Variants in ORMDL1 observed in about 807,000 individuals in gnomAD.
ORMDL1 encodes the protein ORMDL sphingolipid biosynthesis regulator 1.
Under a neutral mutation model 13.0 loss-of-function variants are expected in ORMDL1, and 10 were observed. The observed-to-expected ratio is 0.77, with a 90% CI of 0.47 to 1.30. The LOEUF (loss-of-function observed/expected upper bound fraction) is 1.30. Ranked by LOEUF, ORMDL1 falls within the 50% of genes most tolerant of loss-of-function variation. ORMDL1 has a pLI of 0.00. For synonymous variants in ORMDL1, 61 were observed against 63.9 expected (o/e 0.95, Z 0.22); for missense variants, 171 against 186.7 (o/e 0.92, Z 0.49).
At chr2:189,767,589 A>C (rs1020702513), downstream of ORMDL1, among the ~76,000 whole-genome samples, 1 of 152,244 alleles carries the variant, frequency 6.6e-6, no homozygotes, top group African/African-American at 2.4e-5. Flanking sequence ...ACTATTTTAC[A>C]ATGTTAATGA....
At chr2:189,764,343 C>A in the ORMDL1 span, 1 of 152,176 alleles carries the variant, frequency 6.6e-6, no homozygotes, top group Non-Finnish European at 1.5e-5. Context: ...TCCCAATGCT[C>A]TTCTGTGCTG....
At chr2:189,768,831 A>C (rs1370465848), downstream of ORMDL1, among the ~76,000 whole-genome samples, 1 of 152,232 alleles carries the variant, frequency 6.6e-6, no homozygotes, top group Non-Finnish European at 1.5e-5. Flanking sequence ...AATTACCAGG[A>C]TAGTGGGAGA....
Position 189,771,912 on chromosome 2 carries a change from T to TA in ORMDL1, c.327-11dup. 1.3e-6 allele frequency: 2 copies of TA among 1,558,708 alleles called. No homozygotes were observed. Among genetic ancestry groups the TA allele is most frequent in the Non-Finnish European group, 1.7e-6 (2 of 1,147,194 alleles). On this transcript the variant is annotated splice_polypyrimidine_tract_variant and intron_variant, in intron 4 of 4. Transcript: ENST00000392349. ...ACTTGCCAGAAAATATCTGTAGAGA[T>TA]AAAAGTTAAGAATATATATAACATC...
intron 3 of ORMDL1, chr2:189,778,332 T>C (rs1052930399): frequency 2.3e-6 from 1 of 444,410 alleles, no homozygotes; most frequent in African/African-American, 2.0e-5. Flanking sequence ...GAGGGGGAGG[T>C]TGCAGTGAGC....
downstream of ORMDL1, chr2:189,770,248 G>A (rs1183831964): frequency 7.9e-5 from 12 of 152,192 alleles, no homozygotes; most frequent in Non-Finnish European, 1.3e-4. Context: ...TTAATTTTAC[G>A]AATTCAGTTG....
chr2:189,779,335 G>A (rs2352707), intron 3 of ORMDL1, among the ~76,000 whole-genome samples: 131,166 of 152,194 alleles, frequency 0.86, 57,418 homozygotes, highest in East Asian at 0.94. Context: ...CAAATTAGCC[G>A]GGTGTGGTGG....
the ORMDL1 span, among the ~76,000 whole-genome samples, chr2:189,764,665 A>T: frequency 6.6e-6 from 1 of 152,192 alleles, no homozygotes; most frequent in South Asian, 2.1e-4. Context: ...AATGCCACTC[A>T]TGGGCATTCT....
At chr2:189,776,935 G>C (rs2047710768) in intron 3 of ORMDL1, among the ~76,000 whole-genome samples, 1 of 152,164 alleles carries the variant, frequency 6.6e-6, no homozygotes, top group Admixed American at 6.5e-5. Context: ...AAGTAGGGCA[G>C]AAATTGCTAT....
At chr2:189,767,886 T>C (rs946186884), downstream of ORMDL1, among the ~76,000 whole-genome samples, 2 of 152,214 alleles carry the variant, frequency 1.3e-5, no homozygotes, top group African/African-American at 4.8e-5. Flanking sequence ...TTAAATACTA[T>C]AAACAACTTC....
downstream of ORMDL1, among the ~76,000 whole-genome samples, chr2:189,769,588 G>A (rs1039130602): frequency 1.3e-5 from 2 of 152,096 alleles, no homozygotes; most frequent in Non-Finnish European, 2.9e-5. Flanking sequence ...AGGTCAAAGG[G>A]ACACAGCAGT....
the ORMDL1 span, chr2:189,764,777 G>C: frequency 1.3e-5 from 2 of 151,892 alleles, no homozygotes. Context: ...CTTTCCATTT[G>C]TAGCCTTCAG....
intron 3 of ORMDL1, 31 bp downstream of exon 3, chr2:189,782,391 T>G: frequency 5.1e-6 from 8 of 1,569,162 alleles, no homozygotes; most frequent in Non-Finnish European, 7.0e-6. Context: ...CTTAAAACTT[T>G]TAAGTGTTTA....
At chr2:189,769,376 A>AC (rs531674661), downstream of ORMDL1, among the ~76,000 whole-genome samples, 438 of 151,930 alleles carry the variant, frequency 2.9e-3, 3 homozygotes, top group South Asian at 0.012. Flanking sequence ...GACAAAAAAA[A>AC]CCCGGCTCCA....
downstream of ORMDL1, among the ~76,000 whole-genome samples, chr2:189,766,786 C>CTTGG (rs2047490321): frequency 2.6e-5 from 4 of 151,920 alleles, no homozygotes; most frequent in Non-Finnish European, 5.9e-5. Flanking sequence ...TGCCTTCCAG[C>CTTGG]CCTTGGCAAC....
chr2:189,778,082 GA>G, intron 3 of ORMDL1: 1 of 420,212 alleles, frequency 2.4e-6, no homozygotes, highest in African/African-American at 2.1e-5. Context: ...CAACCAACTT[GA>G]AACACGGTTA....
downstream of ORMDL1, among the ~76,000 whole-genome samples, chr2:189,769,891 GC>G (rs2047543527): frequency 6.6e-6 from 1 of 152,136 alleles, no homozygotes; most frequent in African/African-American, 2.4e-5. Context: ...CTTAGAAATT[GC>G]CATTATGTCT....
At chr2:189,777,896 T>C (rs2047733456) in intron 3 of ORMDL1, among the ~76,000 whole-genome samples, 1 of 152,252 alleles carries the variant, frequency 6.6e-6, no homozygotes, top group Admixed American at 6.5e-5. Flanking sequence ...GCATTCAATA[T>C]GTACTTCAGA....
chr2:189,776,474 T>C (rs757957947), intron 3 of ORMDL1, among the ~76,000 whole-genome samples: 10 of 152,170 alleles, frequency 6.6e-5, no homozygotes, highest in African/African-American at 9.6e-5. Context: ...TTTAGACTCA[T>C]AGGCAGTGTT....
At chr2:189,775,482 G>C in intron 4 of ORMDL1, 83 bp downstream of exon 4, 2 of 1,391,074 alleles carry the variant, frequency 1.4e-6, no homozygotes, top group South Asian at 3.0e-5. Context: ...AACAAAATAT[G>C]TTTCTAATTC....
Sources: gnomAD v4.1 joint callset for allele counts (sites outside exome capture counted in the v4.1 genomes callset) on GRCh38, gnomAD v4.1.1 for gene constraint, MANE v1.5 for transcripts, NCBI Gene and HGNC (gene_info 2026-07-23, HGNC 2026-07-21) for gene names.